C8orf34: variants seen among roughly 807,000 people sequenced by gnomAD.
C8orf34 encodes the protein uncharacterized protein C8orf34.
C8orf34 carries 65 observed loss-of-function variants against 68.3 expected under a neutral mutation model. The observed-to-expected ratio is 0.95, with a 90% CI of 0.78 to 1.17. The LOEUF (loss-of-function observed/expected upper bound fraction) is 1.17, where lower values mean the gene tolerates loss of function less well. Among genes scored for constraint, C8orf34 ranks in the 50% most tolerant of loss-of-function variants. The pLI, the probability that C8orf34 is intolerant of heterozygous loss-of-function variation, is 0.00. For synonymous variants in C8orf34, 244 were observed against 241.2 expected, an observed-to-expected ratio of 1.01 and a Z score of -0.11; for missense variants, 664 against 655.4, an observed-to-expected ratio of 1.01 and a Z score of -0.14.
At chr8:68,446,096 A>G (rs1223293460) in intron 2 of C8orf34, among the ~76,000 whole-genome samples, 5 of 152,148 alleles carry the variant, frequency 3.3e-5, no homozygotes, top group Non-Finnish European at 5.9e-5. Flanking sequence ...CCAATTTCAT[A>G]GTTTTATATG....
chr8:68,572,633 G>A (rs1053703905), intron 7 of C8orf34, among the ~76,000 whole-genome samples: 1 of 151,960 alleles, frequency 6.6e-6, no homozygotes, highest in Non-Finnish European at 1.5e-5. Context: ...AGTTTCAGAA[G>A]TATTGCACTG....
intron 4 of C8orf34, among the ~76,000 whole-genome samples, chr8:68,481,793 C>A (rs1456374889): frequency 1.3e-5 from 2 of 152,142 alleles, no homozygotes; most frequent in African/African-American, 4.8e-5. Flanking sequence ...ACCTGTACCC[C>A]CATTGTGTCT....
At chr8:68,816,105 AGTGTGTGT>A (rs71554629) in intron 13 of C8orf34, among the ~76,000 whole-genome samples, 160 bp downstream of exon 13, 8 of 144,514 alleles carry the variant, frequency 5.5e-5, no homozygotes, top group Non-Finnish European at 9.1e-5. Context: ...ATTTCCTAAG[AGTGTGTGT>A]GTGTGTGTGT....
intron 7 of C8orf34, among the ~76,000 whole-genome samples, chr8:68,548,940 A>G (rs537845140): frequency 2.4e-4 from 36 of 151,896 alleles, no homozygotes; most frequent in African/African-American, 7.0e-4. Flanking sequence ...CCTAACCCCA[A>G]TGGGATTGTA....
intron 1 of C8orf34, among the ~76,000 whole-genome samples, chr8:68,398,639 T>C (rs1347487600): frequency 5.3e-5 from 8 of 152,178 alleles, no homozygotes; most frequent in Admixed American, 2.0e-4. Context: ...ACATATTATG[T>C]TGTACACTTT....
intron 1 of C8orf34, among the ~76,000 whole-genome samples, chr8:68,383,477 G>C (rs1433162745): frequency 1.3e-5 from 2 of 152,130 alleles, no homozygotes; most frequent in Admixed American, 1.3e-4. Context: ...AAAGTTCATA[G>C]TTTTCATGTG....
chr8:68,635,618 G>A (rs1318017127), intron 7 of C8orf34, among the ~76,000 whole-genome samples: 7 of 152,128 alleles, frequency 4.6e-5, no homozygotes, highest in Admixed American at 4.6e-4. Flanking sequence ...CTTAGATTTG[G>A]ATTAAGCCAT....
At chr8:68,745,594 GA>G (rs1256459741) in intron 10 of C8orf34, among the ~76,000 whole-genome samples, 1 of 152,066 alleles carries the variant, frequency 6.6e-6, no homozygotes, top group African/African-American at 2.4e-5. Flanking sequence ...CCTAGTCTCT[GA>G]TAAAACAGAC....
At chr8:68,387,996 G>A (rs952868407) in intron 1 of C8orf34, among the ~76,000 whole-genome samples, 22 of 152,160 alleles carry the variant, frequency 1.4e-4, no homozygotes, top group African/African-American at 4.6e-4. Context: ...TTAGCACTGA[G>A]TGTGCATTTC....
intron 1 of C8orf34, among the ~76,000 whole-genome samples, chr8:68,370,582 C>G (rs1250944122): frequency 6.6e-6 from 1 of 152,098 alleles, no homozygotes; most frequent in Non-Finnish European, 1.5e-5. Context: ...GGTGAATGTC[C>G]AGTGTGCACA....
intron 7 of C8orf34, among the ~76,000 whole-genome samples, chr8:68,539,308 T>A (rs1304983411): frequency 6.6e-6 from 1 of 152,196 alleles, no homozygotes; most frequent in East Asian, 1.9e-4. Flanking sequence ...TATTTAAAAG[T>A]CATTTGAAAG....
chr8:68,492,303 C>T (rs1231931169), intron 5 of C8orf34, among the ~76,000 whole-genome samples: 2 of 152,216 alleles, frequency 1.3e-5, no homozygotes, highest in Non-Finnish European at 2.9e-5. Context: ...GATCATAGCT[C>T]ACTGCAATCT....
intron 4 of C8orf34, 27 bp from the exon 5 acceptor site, chr8:68,487,996 T>G (rs377005035): frequency 5.8e-6 from 9 of 1,555,270 alleles, no homozygotes; most frequent in Non-Finnish European, 7.9e-6. Context: ...CTAAAACTTT[T>G]TTTTATAAAT....
chr8:68,707,443 G>C (rs1477393217), intron 8 of C8orf34, among the ~76,000 whole-genome samples: 1 of 152,094 alleles, frequency 6.6e-6, no homozygotes, highest in Non-Finnish European at 1.5e-5. Flanking sequence ...TTATGCTTGA[G>C]CATATTAATA....
At chr8:68,405,763 A>C (rs1217213914) in intron 1 of C8orf34, among the ~76,000 whole-genome samples, 1 of 152,212 alleles carries the variant, frequency 6.6e-6, no homozygotes, top group Non-Finnish European at 1.5e-5. Context: ...TTTTGTTTCT[A>C]ATCTACCTCC....
At chr8:68,512,918 GT>G (rs770990701) in intron 5 of C8orf34, among the ~76,000 whole-genome samples, 1 of 151,956 alleles carries the variant, frequency 6.6e-6, no homozygotes, top group Non-Finnish European at 1.5e-5. Flanking sequence ...GTAAAACTTG[GT>G]AAGTTGCTTT....
At chr8:68,713,526 C>A (rs1227882958) in intron 9 of C8orf34, among the ~76,000 whole-genome samples, 1 of 152,048 alleles carries the variant, frequency 6.6e-6, no homozygotes, top group Non-Finnish European at 1.5e-5. Flanking sequence ...ACTATGAACA[C>A]CTTTACACAC....
At chr8:68,653,005 C>G (rs956597555) in intron 8 of C8orf34, among the ~76,000 whole-genome samples, 1 of 152,150 alleles carries the variant, frequency 6.6e-6, no homozygotes, top group Non-Finnish European at 1.5e-5. Flanking sequence ...TCCTACTTAA[C>G]TTCTTGGTTC....
intron 7 of C8orf34, among the ~76,000 whole-genome samples, chr8:68,563,354 C>T (rs1190161992): frequency 6.6e-6 from 1 of 152,082 alleles, no homozygotes; most frequent in Non-Finnish European, 1.5e-5. Context: ...CTAAATATAT[C>T]TAGCTCTGTT....
Sources: allele counts gnomAD v4.1 joint callset (sites outside exome capture counted in the v4.1 genomes callset), GRCh38; gene constraint gnomAD v4.1.1; transcripts MANE v1.5; gene names NCBI Gene and HGNC (gene_info 2026-07-23, HGNC 2026-07-21).